CCBE1: variants seen among roughly 807,000 people sequenced by gnomAD.
The protein encoded by CCBE1 is collagen and calcium binding EGF domains 1.
CCBE1 carries 37 observed loss-of-function variants against 50.0 expected under a neutral mutation model. The ratio of observed to expected loss-of-function variants is 0.74; its 90% CI spans 0.57 to 0.97. The LOEUF is 0.97. Ranked by LOEUF, CCBE1 falls within the 50% of genes least tolerant of loss-of-function variation. The probability of loss-of-function intolerance (pLI) is 0.00; values close to 1 mark genes in which losing one functional copy is unlikely to be tolerated. For missense variants in CCBE1, 538 were observed against 523.8 expected (o/e 1.03, Z -0.26); for synonymous variants, 234 against 203.7 (o/e 1.15, Z -1.27).
chr18:59,618,379 A>T (rs2053665469), intron 2 of CCBE1, among the ~76,000 whole-genome samples: 1 of 152,098 alleles, frequency 6.6e-6, no homozygotes, highest in Non-Finnish European at 1.5e-5. Flanking sequence ...GCCAACTCTT[A>T]TTCCCAGAAG....
In CCBE1 at chr18:59,439,562, G is replaced by A; in HGVS notation, c.932C>T (p.Pro311Leu). ...RRGPVGPPGAPGRDGSKGERG... is the reference protein window; with the variant it reads ...RRGPVGPPGALGRDGSKGERG... ...GCTTACCTTAGAACCATCTCTTCCT[G>A]GTGCCCCTGGTGGACCCTGTAATAC... The change falls in exon 9 of 11, where the codon CCA becomes CTA. Residue 311 changes from proline to leucine, a missense_variant. By Grantham distance (98) the Pro-to-Leu change is moderately conservative. Coordinates refer to ENST00000439986, the MANE Select transcript of CCBE1 (RefSeq NM_133459.4). The A allele has an allele frequency of 6.2e-7, 1 of 1,614,242 alleles. No individual in the cohort carries two copies. Among genetic ancestry groups the A allele is most frequent in the Non-Finnish European group, 8.5e-7 (1 of 1,180,030 alleles).
At chr18:59,519,723 G>A (rs571409434) in intron 2 of CCBE1, among the ~76,000 whole-genome samples, 31 of 152,170 alleles carry the variant, frequency 2.0e-4, no homozygotes, top group Non-Finnish European at 3.7e-4. Flanking sequence ...TGCTTTTGGT[G>A]TTTTAGACAT....
At chr18:59,598,606 G>C (rs762401515) in intron 2 of CCBE1, among the ~76,000 whole-genome samples, 1 of 152,188 alleles carries the variant, frequency 6.6e-6, no homozygotes, top group Non-Finnish European at 1.5e-5. Context: ...TTCTGTGCCC[G>C]TTTTCTTTGA....
intron 3 of CCBE1, among the ~76,000 whole-genome samples, chr18:59,478,383 A>G (rs1274694662): frequency 6.6e-6 from 1 of 152,218 alleles, no homozygotes; most frequent in Non-Finnish European, 1.5e-5. Context: ...TTGATGATAG[A>G]AACAATTATG....
intron 2 of CCBE1, among the ~76,000 whole-genome samples, chr18:59,655,583 G>A (rs536822259): frequency 7.2e-5 from 11 of 152,342 alleles, no homozygotes; most frequent in African/African-American, 2.4e-4. Flanking sequence ...TCCTGTAGCA[G>A]GAATGCAGCC....
At chr18:59,547,823 G>T (rs1915766239) in intron 2 of CCBE1, among the ~76,000 whole-genome samples, 1 of 152,198 alleles carries the variant, frequency 6.6e-6, no homozygotes, top group Non-Finnish European at 1.5e-5. Flanking sequence ...GGGGCACTAG[G>T]AAGGCTCTTC....
chr18:59,682,167 T>G (rs554461911), intron 2 of CCBE1, among the ~76,000 whole-genome samples: 16 of 152,296 alleles, frequency 1.1e-4, no homozygotes, highest in East Asian at 7.7e-4. Context: ...ATCGAGACCA[T>G]CCTGGCCAAC....
At chr18:59,667,327 T>G (rs202054952) in intron 2 of CCBE1, among the ~76,000 whole-genome samples, 2 of 152,226 alleles carry the variant, frequency 1.3e-5, no homozygotes, top group East Asian at 3.9e-4. Context: ...TTCGTAAGGA[T>G]TGTACACTGC....
intron 2 of CCBE1, among the ~76,000 whole-genome samples, chr18:59,619,276 C>T (rs775507786): frequency 6.6e-6 from 1 of 152,030 alleles, no homozygotes; most frequent in Non-Finnish European, 1.5e-5. Flanking sequence ...TTATGTTTTC[C>T]AAATTGAAAG....
chr18:59,627,962 G>C (rs367768973), intron 2 of CCBE1, among the ~76,000 whole-genome samples: 1 of 152,176 alleles, frequency 6.6e-6, no homozygotes, highest in Non-Finnish European at 1.5e-5. Context: ...CCCACAATCC[G>C]GGTACTTTGG....
chr18:59,665,406 A>G (rs1218090382), intron 2 of CCBE1, among the ~76,000 whole-genome samples: 2 of 152,230 alleles, frequency 1.3e-5, no homozygotes, highest in African/African-American at 2.4e-5. Context: ...AGGAATCCAC[A>G]GGAATTTTTT....
rs186964726 is a variant in CCBE1 at position 59,507,480 on chromosome 18, C to T, written c.213-27242G>A. On this transcript the variant is annotated intron_variant, in intron 2 of 10. Coordinates refer to ENST00000439986, the MANE Select transcript of CCBE1 (RefSeq NM_133459.4). ...CCCAGGGTGACATTGTTCAATGATTCCTTCTGCCTCATGTTCTTCCTTGTC... is the reference window on the plus strand; with the variant it reads ...CCCAGGGTGACATTGTTCAATGATTTCTTCTGCCTCATGTTCTTCCTTGTC... 3.0e-4 allele frequency among the ~76,000 whole-genome samples: 45 copies of T among 152,300 alleles called. No homozygotes were observed. The East Asian group carries it at 7.9e-3, about 27-fold the overall frequency.
chr18:59,602,329 A>T (rs756649390), intron 2 of CCBE1, among the ~76,000 whole-genome samples: 11 of 152,110 alleles, frequency 7.2e-5, no homozygotes, highest in Non-Finnish European at 1.6e-4. Context: ...CAGAAGAGAG[A>T]TCATGAAGTT....
At chr18:59,615,999 C>G (rs80152986) in intron 2 of CCBE1, among the ~76,000 whole-genome samples, 6,474 of 152,288 alleles carry the variant, frequency 0.043, 367 homozygotes, top group African/African-American at 0.13. Context: ...ATCACAGAAT[C>G]TCTAGTAGCT....
At chr18:59,527,438 ACT>A (rs1358498482) in intron 2 of CCBE1, among the ~76,000 whole-genome samples, 3 of 151,952 alleles carry the variant, frequency 2.0e-5, no homozygotes, top group African/African-American at 7.3e-5. Context: ...ATGGGTCTTG[ACT>A]CTCTACCCAG....
intron 2 of CCBE1, among the ~76,000 whole-genome samples, chr18:59,540,417 T>G (rs1375137979): frequency 6.6e-6 from 1 of 152,204 alleles, no homozygotes; most frequent in African/African-American, 2.4e-5. Flanking sequence ...TATGTTCCAG[T>G]GAAGCTGAGC....
At chr18:59,662,833 A>G (rs879790837) in intron 2 of CCBE1, among the ~76,000 whole-genome samples, 8 of 152,224 alleles carry the variant, frequency 5.3e-5, no homozygotes, top group Admixed American at 1.3e-4. Flanking sequence ...CTGTGCAAAC[A>G]TAAGTTTCTT....
chr18:59,586,809 G>A (rs1321988160), intron 2 of CCBE1, among the ~76,000 whole-genome samples: 2 of 152,098 alleles, frequency 1.3e-5, no homozygotes, highest in Admixed American at 6.6e-5. Flanking sequence ...AAGCTTAATA[G>A]GAAATCCAGT....
intron 2 of CCBE1, among the ~76,000 whole-genome samples, chr18:59,506,873 A>T (rs1913899090): frequency 6.6e-6 from 1 of 152,216 alleles, no homozygotes; most frequent in Non-Finnish European, 1.5e-5. Flanking sequence ...CTTCCCATAA[A>T]GTGACTATTA....
Sources: gnomAD v4.1 joint callset for allele counts (sites outside exome capture counted in the v4.1 genomes callset) on GRCh38, gnomAD v4.1.1 for gene constraint, MANE v1.5 for transcripts, NCBI Gene and HGNC (gene_info 2026-07-23, HGNC 2026-07-21) for gene names.